RECK: variants seen among roughly 807,000 people sequenced by gnomAD.
RECK encodes the protein reversion inducing cysteine rich protein with kazal motifs.
A neutral mutation model predicts 115.1 loss-of-function variants in RECK; 69 were observed. That is an observed-to-expected ratio of 0.60 (90% CI 0.49 to 0.73). RECK has a LOEUF of 0.73. RECK is among the 30% of genes least tolerant of loss of function. The pLI is 0.00. For synonymous variants in RECK, 414 were observed against 419.7 expected, an observed-to-expected ratio of 0.99 and a Z score of 0.17; for missense variants, 1,047 against 1,203.7, an observed-to-expected ratio of 0.87 and a Z score of 1.93.
intron 12 of RECK, among the ~76,000 whole-genome samples, chr9:36,104,316 ATATATATATATTTTTTTTTTTTTTTTT>A (rs1459516505): frequency 2.1e-4 from 12 of 57,900 alleles, no homozygotes; most frequent in Admixed American, 4.9e-4. Context: ...ATATATATAT[ATATATATATATTTTTTTTTTTTTTTTT>A]TTTTTTTTTT....
intron 17 of RECK, 89 bp from the exon 18 acceptor site, chr9:36,118,668 C>A: frequency 1.6e-6 from 2 of 1,259,480 alleles, no homozygotes; most frequent in Non-Finnish European, 2.2e-6. Context: ...TTTTTCCTTC[C>A]TGAAAATAGG....
At chr9:36,037,164 C>T in intron 1 of RECK, 66 bp downstream of exon 1, 3 of 865,878 alleles carry the variant, frequency 3.5e-6, no homozygotes, top group Non-Finnish European at 4.3e-6. Flanking sequence ...TCCAAGATGG[C>T]GCGGGGCAGG....
rs1822343755 is a variant in RECK at position 36,073,942 on chromosome 9, CCAGCTTGTA to C, written c.406-6662_406-6654del. 3.9e-5 allele frequency among the ~76,000 whole-genome samples: 6 copies of C among 152,216 alleles called. No individual in the cohort carries two copies. In the South Asian group the frequency reaches 1.2e-3, roughly 32 times the overall value. ...GTTAAATATTCAGGGATTTTGCAAG[CCAGCTTGTA>C]ACTTAAAATCAGCCATGGGTGGAGG... is the stretch of plus-strand genomic sequence containing the variant. On this transcript the variant is annotated intron_variant, in intron 6 of 20. Coordinates refer to ENST00000377966, the MANE Select transcript of RECK (RefSeq NM_021111.3).
chr9:36,112,208 A>T, intron 15 of RECK, 97 bp from the exon 16 acceptor site: 1 of 1,031,058 alleles, frequency 9.7e-7, no homozygotes, highest in Non-Finnish European at 1.5e-6. Flanking sequence ...TTAACGTGAG[A>T]CCTTCACATG....
intron 9 of RECK, among the ~76,000 whole-genome samples, chr9:36,090,146 A>T (rs890298838): frequency 6.6e-5 from 10 of 152,054 alleles, no homozygotes. Context: ...ACAGAGTGAG[A>T]CTCTGTCTCT....
rs1314395751 is a variant in RECK, at chr9:36,112,440, A to G, written c.2024A>G (p.Asp675Gly). The change falls in exon 16 of 21, where the codon GAT (aspartate) becomes GGT (glycine). Residue 675 changes from aspartate to glycine, a missense_variant. Asp to Gly is a moderately conservative substitution (Grantham distance 94). Transcript: ENST00000377966. ...GAGTTTGGATCATGCATGTCAAAGG[A>G]TCCATGTAATCCTAATCCCTGCCAA... ...QFEFGSCMSK[D>G]PCNPNPCQKN... 1 of 1,613,974 alleles carries G rather than the reference A, an allele frequency of 6.2e-7. No homozygotes were observed. Among genetic ancestry groups the G allele is most frequent in the African/African-American group, 1.3e-5 (1 of 74,918 alleles).
chr9:36,080,730 T>C, intron 7 of RECK, 92 bp downstream of exon 7: 1 of 1,125,694 alleles, frequency 8.9e-7, no homozygotes, highest in Non-Finnish European at 1.3e-6. Context: ...ATAGGCTCTT[T>C]CCCATGGTGT....
chr9:36,120,798 G>C, intron 19 of RECK, 62 bp downstream of exon 19: 1 of 1,134,800 alleles, frequency 8.8e-7, no homozygotes, highest in African/African-American at 1.5e-5. Flanking sequence ...AGTAATCCTA[G>C]AGAGTAGAAT....
intron 4 of RECK, among the ~76,000 whole-genome samples, chr9:36,062,496 T>G (rs1177781279): frequency 6.7e-6 from 1 of 150,092 alleles, no homozygotes; most frequent in Non-Finnish European, 1.5e-5. Context: ...TTTTGTTTTT[T>G]TGAGACAGAG....
At chr9:36,051,893 CA>C (rs1358225677) in intron 1 of RECK, among the ~76,000 whole-genome samples, 1 of 152,180 alleles carries the variant, frequency 6.6e-6, no homozygotes, top group Admixed American at 6.5e-5. Flanking sequence ...ATCTTTTTAT[CA>C]GTTGACTTTT....
At chr9:36,082,159 T>TCTCTCTCC (rs1822735062) in intron 7 of RECK, among the ~76,000 whole-genome samples, 1 of 137,948 alleles carries the variant, frequency 7.2e-6, no homozygotes, top group Admixed American at 7.1e-5. Flanking sequence ...GCTTTCTCTC[T>TCTCTCTCC]CTCTCTCTCT....
In RECK at chr9:36,105,048, C is replaced by G. The variant is rs991145254; in HGVS notation, c.1436-95C>G. The G allele has an allele frequency of 9.0e-5, 90 of 997,498 alleles. No homozygotes were observed. In the African/African-American group the frequency reaches 1.4e-3, roughly 15 times the overall value. The allele number at this position is 997,498 out of a possible 1,614,324, so 61.8% of individuals were successfully genotyped here. A position where few individuals can be genotyped will look rare whatever the true frequency, so the allele number is the denominator to read the frequency against. On this transcript the variant is annotated intron_variant, in intron 12 of 20. Transcript: ENST00000377966. The stretch of plus-strand genomic sequence containing the variant: ...TCAGGCCTTACTTTACACTCATGAG[C>G]TCTTCATTTATTCCAGCCATAATTA...
chr9:36,073,252 A>C (rs1184221571), intron 6 of RECK, among the ~76,000 whole-genome samples: 1 of 145,354 alleles, frequency 6.9e-6, no homozygotes, highest in African/African-American at 2.8e-5. Flanking sequence ...ACACACACAC[A>C]CACACACACA....
intron 13 of RECK, among the ~76,000 whole-genome samples, chr9:36,105,843 A>C (rs1823782902): frequency 6.6e-6 from 1 of 152,232 alleles, no homozygotes; most frequent in Admixed American, 6.5e-5. Flanking sequence ...ATCCCTTTAG[A>C]ATATAGTTGT....
chr9:36,079,573 CAT>C (rs1822596948), intron 6 of RECK, among the ~76,000 whole-genome samples: 1 of 152,242 alleles, frequency 6.6e-6, no homozygotes, highest in Non-Finnish European at 1.5e-5. Context: ...CACACAGCTA[CAT>C]AGAGGGATCT....
chr9:36,037,072 C>T lies in RECK; in HGVS notation c.74C>T (p.Ala25Val), dbSNP rs752307370. 4.8e-5 allele frequency: 66 copies of T among 1,384,016 alleles called. No homozygotes were observed. Among genetic ancestry groups the T allele is most frequent in the Middle Eastern group, 3.9e-4 (2 of 5,178 alleles). The allele number at this position is 1,384,016 out of a possible 1,614,324, so 85.7% of individuals were successfully genotyped here. ...GCCGTGGCGGGGGTCGCGGAGGTGG[C>T]AGGGGGCCTGGCTCCGGGCAGTGCG... is the stretch of plus-strand genomic sequence containing the variant. ...LLAVAGVAEVAGGLAPGSAGA... is the reference protein window; with the variant it reads ...LLAVAGVAEVVGGLAPGSAGA... The change falls in exon 1 of 21, where the codon GCA becomes GTA. Residue 25 changes from alanine (A) to valine (V), a missense_variant. Transcript: ENST00000377966.
chr9:36,095,945 G>C (rs910020524), intron 10 of RECK, among the ~76,000 whole-genome samples: 4 of 150,512 alleles, frequency 2.7e-5, no homozygotes, highest in African/African-American at 9.8e-5. Context: ...GCATGGTGGC[G>C]GGCACCTGTA....
chr9:36,120,837 C>T, intron 19 of RECK, 101 bp downstream of exon 19: 3 of 860,062 alleles, frequency 3.5e-6, no homozygotes, highest in Non-Finnish European at 3.7e-6. Flanking sequence ...GATAAAGAAA[C>T]TAATCTTCAG....
chr9:36,118,795 T>A lies in RECK; in HGVS notation c.2292T>A (p.Asn764Lys), dbSNP rs762495172. The change falls in exon 18 of 21, where the codon AAT becomes AAA. Residue 764 changes from asparagine to lysine, a missense_variant. Coordinates refer to ENST00000377966, the MANE Select transcript of RECK (RefSeq NM_021111.3). ...CAACCGAGCCCGTATGTGGGCACAA[T>A]GGTGAGACCTACAGCAGTGTGTGTG... Reference protein sequence around the residue: ...CRATEPVCGHNGETYSSVCAA... With the variant: ...CRATEPVCGHKGETYSSVCAA... The A allele has an allele frequency of 6.2e-7, 1 of 1,614,158 alleles. No individual in the cohort carries two copies. Among genetic ancestry groups the A allele is most frequent in the East Asian group, 2.2e-5 (1 of 44,870 alleles).
Sources: allele counts gnomAD v4.1 joint callset (sites outside exome capture counted in the v4.1 genomes callset), GRCh38; gene constraint gnomAD v4.1.1; transcripts MANE v1.5; gene names NCBI Gene and HGNC (gene_info 2026-07-23, HGNC 2026-07-21).